Variants in CASP10 observed in about 807,000 individuals in gnomAD.
CASP10 encodes the protein caspase 10.
A neutral mutation model predicts 48.5 loss-of-function variants in CASP10; 41 were observed. The ratio of observed to expected loss-of-function variants is 0.85; its 90% CI spans 0.66 to 1.10. The LOEUF is 1.10. Ranked by LOEUF, CASP10 falls within the 50% of genes least tolerant of loss-of-function variation. The pLI, the probability that CASP10 is intolerant of heterozygous loss-of-function variation, is 0.00. For missense variants in CASP10, 614 were observed against 614.5 expected, an observed-to-expected ratio of 1.00 and a Z score of 0.01; for synonymous variants, 232 against 238.4, an observed-to-expected ratio of 0.97 and a Z score of 0.25.
chr2:201,194,259 T>C (rs1466958681), intron 4 of CASP10, among the ~76,000 whole-genome samples: 2 of 152,146 alleles, frequency 1.3e-5, no homozygotes, highest in Admixed American at 1.3e-4. Context: ...ATTTCTCCAC[T>C]GTTAAGCAAG....
chr2:201,193,275 T>C, intron 4 of CASP10, 156 bp downstream of exon 4: 1 of 692,840 alleles, frequency 1.4e-6, no homozygotes, highest in South Asian at 1.6e-5. Context: ...TGGTGTGATC[T>C]TGGCTCACTG....
intron 3 of CASP10, among the ~76,000 whole-genome samples, chr2:201,191,512 G>T (rs536310938): frequency 1.3e-5 from 2 of 152,294 alleles, no homozygotes; most frequent in Admixed American, 1.3e-4. Context: ...TTGGAAGTGT[G>T]TAAAGGACAG....
chr2:201,210,904 C>A (rs1945372187), intron 9 of CASP10, among the ~76,000 whole-genome samples: 1 of 152,072 alleles, frequency 6.6e-6, no homozygotes. Flanking sequence ...AGTATACATG[C>A]ATGATTAAGC....
At chr2:201,212,667 T>G (rs902629553) in intron 9 of CASP10, 1 of 152,202 alleles carries the variant, frequency 6.6e-6, no homozygotes, top group Non-Finnish European at 1.5e-5. Context: ...TCTCATCTGA[T>G]AAAGAGTTGG....
At chr2:201,188,867 T>A (rs1250296083) in intron 3 of CASP10, among the ~76,000 whole-genome samples, 3 of 151,242 alleles carry the variant, frequency 2.0e-5, no homozygotes, top group Admixed American at 2.0e-4. Context: ...AATGGAGATA[T>A]TAGAATTTTT....
In CASP10 at chr2:201,208,184, G is replaced by A. The variant is rs200221261; in HGVS notation, c.922+1G>A. The A allele has an allele frequency of 6.2e-7, 1 of 1,611,246 alleles. No homozygotes were observed. Among genetic ancestry groups the A allele is most frequent in the Admixed American group, 1.7e-5 (1 of 59,370 alleles). ...AGACAAGGAACCCATAAAGATGCTGGTAAGAAAGTCTGGAACAGTTTATCA... is the reference window on the plus strand; with the variant it reads ...AGACAAGGAACCCATAAAGATGCTGATAAGAAAGTCTGGAACAGTTTATCA... On this transcript the variant is annotated splice_donor_variant, in intron 8 of 9. Transcript: ENST00000286186. LOFTEE classifies it high-confidence loss of function.
At chr2:201,201,604 C>T (rs1037107036) in intron 5 of CASP10, among the ~76,000 whole-genome samples, 7 of 80 alleles carry the variant, frequency 0.087, no homozygotes, top group Non-Finnish European at 0.17. Flanking sequence ...AACTTGGCCA[C>T]GGCACATGCA....
chr2:201,217,906 TA>T lies in CASP10; in HGVS notation c.*168del. On this transcript the variant is annotated 3_prime_UTR_variant, in exon 10 of 10. Transcript: ENST00000286186. ...TGATTTTCTTTTTCTTTTGCAAGTCTAAATGTTAGAAAACTTTCTTTTTTTT... is the reference window on the plus strand; with the variant it reads ...TGATTTTCTTTTTCTTTTGCAAGTCTAATGTTAGAAAACTTTCTTTTTTTT... 2.0e-6 allele frequency: 3 copies of T among 1,520,966 alleles called. No individual in the cohort carries two copies. The highest frequency in any genetic ancestry group is 2.6e-6 in the Non-Finnish European group (3 of 1,138,900). The allele number at this position is 1,520,966 out of a possible 1,614,324, so 94.2% of individuals were successfully genotyped here. A position where few individuals can be genotyped will look rare whatever the true frequency, so the allele number is the denominator to read the frequency against.
At chr2:201,215,810 T>TTTCTG (rs1553584763) in intron 9 of CASP10, among the ~76,000 whole-genome samples, 4 of 152,088 alleles carry the variant, frequency 2.6e-5, no homozygotes, top group African/African-American at 9.7e-5. Flanking sequence ...TTTTTGTTTG[T>TTTCTG]TTTTGTTTTG....
At chr2:201,203,802 C>T (rs747487621) in intron 6 of CASP10, 36 bp downstream of exon 6, 12 of 1,548,040 alleles carry the variant, frequency 7.8e-6, no homozygotes, top group Middle Eastern at 3.4e-4. Context: ...CAACTTAGAT[C>T]GGTATGGTAG....
chr2:201,209,329 A>G lies in CASP10; in HGVS notation c.1182A>G (p.Lys394=), dbSNP rs1576127112. 3 of 1,613,442 alleles carry G rather than the reference A, an allele frequency of 1.9e-6. No homozygotes were observed. The highest frequency in any genetic ancestry group is 2.5e-6 in the Non-Finnish European group (3 of 1,179,882). ...GCCCTAGACTGGCTGAAAAACCTAA[A>G]CTCTTTTTCATCCAGGCCTGCCAAG... The part of the protein sequence containing the change: ...LQCPRLAEKP[K]LFFIQACQGE... Residue 394 remains lysine, a synonymous_variant, in exon 9 of 10, where the codon AAA becomes AAG. Coordinates refer to ENST00000286186, the MANE Select transcript of CASP10 (RefSeq NM_032977.4).
rs151162733 is a variant in CASP10, at chr2:201,220,572, C to G, written c.*2831C>G. On this transcript the variant is annotated 3_prime_UTR_variant, in exon 10 of 10. Transcript: ENST00000286186. Reference sequence around the variant, plus strand: ...AGAGACATAGAAGCAATCCAAGCCTCTGATAAACTCTCCCACCCTAAATCC... The same window carrying G: ...AGAGACATAGAAGCAATCCAAGCCTGTGATAAACTCTCCCACCCTAAATCC... The G allele has an allele frequency of 1.1e-5, 2 of 176,246 alleles. No individual in the cohort carries two copies. Among genetic ancestry groups the G allele is most frequent in the Admixed American group, 1.3e-4 (2 of 15,306 alleles). 10.9% of individuals were successfully genotyped at this position (176,246 alleles called of 1,614,324 possible). A position where few individuals can be genotyped will look rare whatever the true frequency, so the allele number is the denominator to read the frequency against.
At chr2:201,198,225 C>CTTTTTTTT (rs775115555) in intron 5 of CASP10, among the ~76,000 whole-genome samples, 1 of 138,760 alleles carries the variant, frequency 7.2e-6, no homozygotes, top group African/African-American at 2.6e-5. Context: ...ATTTTTAATT[C>CTTTTTTTT]TTTTTTTTTT....
chr2:201,221,705 C>T (rs1157300176), downstream of CASP10: 1 of 152,200 alleles, frequency 6.6e-6, no homozygotes, highest in African/African-American at 2.4e-5. Context: ...CGAGTGAAAC[C>T]TCCTTCATCA....
At chr2:201,222,823 C>A (rs538383012), downstream of CASP10, among the ~76,000 whole-genome samples, 2 of 152,056 alleles carry the variant, frequency 1.3e-5, no homozygotes, top group Non-Finnish European at 2.9e-5. Flanking sequence ...AAATAGCAAC[C>A]CTTAATCAAT....
Position 201,218,767 on chromosome 2 carries a change from T to C in CASP10, c.*1026T>C, listed in dbSNP as rs944285473. 5.5e-5 allele frequency: 54 copies of C among 985,320 alleles called. No individual in the cohort carries two copies. The African/African-American group carries it at 7.7e-4, about 14-fold the overall frequency. 61.0% of individuals were successfully genotyped at this position (985,320 alleles called of 1,614,324 possible). A position where few individuals can be genotyped will look rare whatever the true frequency, so the allele number is the denominator to read the frequency against. On this transcript the variant is annotated 3_prime_UTR_variant, in exon 10 of 10. Coordinates refer to ENST00000286186, the MANE Select transcript of CASP10 (RefSeq NM_032977.4). Reference sequence around the variant, plus strand: ...GTGAGGTCACAGTCCACCCACCCTCTCTCTGATCTCCCCCTTCCTAAGACT... The same window carrying C: ...GTGAGGTCACAGTCCACCCACCCTCCCTCTGATCTCCCCCTTCCTAAGACT...
chr2:201,217,553 C>T (rs771683671), intron 9 of CASP10, 35 bp from the exon 10 acceptor site: 50 of 1,496,124 alleles, frequency 3.3e-5, no homozygotes, highest in South Asian at 9.0e-5. Flanking sequence ...AGTGAGACTC[C>T]GTAAAAAAAA....
rs1158676854 is a variant in CASP10 at position 201,186,144 on chromosome 2, G to C, written c.347+20G>C. 1 of 1,546,758 alleles carries C rather than the reference G, an allele frequency of 6.5e-7. No individual in the cohort carries two copies. Among genetic ancestry groups the C allele is most frequent in the Non-Finnish European group, 8.9e-7 (1 of 1,121,140 alleles). ...GTTTAGGTGAGGACGGGTCTGTGGT[G>C]GAGATGGGAGGATCTCCCATCTAGT... is the stretch of plus-strand genomic sequence containing the variant. On this transcript the variant is annotated intron_variant, in intron 2 of 9. Transcript: ENST00000286186.
chr2:201,211,875 A>G (rs1945406351), intron 9 of CASP10, among the ~76,000 whole-genome samples: 1 of 152,130 alleles, frequency 6.6e-6, no homozygotes, highest in Non-Finnish European at 1.5e-5. Context: ...ATCTTTGCCA[A>G]TATGTGTTTT....
Sources: allele counts gnomAD v4.1 joint callset (sites outside exome capture counted in the v4.1 genomes callset), GRCh38; gene constraint gnomAD v4.1.1; transcripts MANE v1.5; gene names NCBI Gene and HGNC (gene_info 2026-07-23, HGNC 2026-07-21).